The following RAB28 variants were observed in gnomAD, a reference collection of about 807,000 sequenced individuals.
RAB28 encodes the protein RAB28, member RAS oncogene family.
In RAB28, 24 loss-of-function variants were observed where a neutral mutation model predicts 31.7. The observed-to-expected ratio is 0.76, with a 90% CI of 0.55 to 1.06. RAB28 has a LOEUF of 1.06. RAB28 is among the 50% of genes least tolerant of loss of function. RAB28 has a pLI of 0.00. For synonymous variants in RAB28, 100 were observed against 90.4 expected, an observed-to-expected ratio of 1.11 and a Z score of -0.60; for missense variants, 254 against 258.5, an observed-to-expected ratio of 0.98 and a Z score of 0.12.
chr4:13,376,710 C>T lies in RAB28; in HGVS notation c.496-88G>A, dbSNP rs1354931173. ...ACAGAATTTTCTTAAAAATGATAAA[C>T]AGCAATAATTGCAAAAATATGATAT... On this transcript the variant is annotated intron_variant, in intron 5 of 6. Transcript: ENST00000330852. 3.6e-6 allele frequency: 3 copies of T among 829,348 alleles called. No individual in the cohort carries two copies. The African/African-American group carries it at 5.2e-5, about 14-fold the overall frequency. The allele number at this position is 829,348 out of a possible 1,614,324, so 51.4% of individuals were successfully genotyped here.
chr4:13,381,633 G>C (rs1233691844), intron 4 of RAB28, 39 bp from the exon 5 acceptor site: 2 of 1,449,240 alleles, frequency 1.4e-6, no homozygotes, highest in Admixed American at 3.9e-5. Flanking sequence ...TTCAATATTA[G>C]AGTCTATCAA....
intron 4 of RAB28, among the ~76,000 whole-genome samples, chr4:13,393,400 C>T (rs888940327): frequency 6.6e-6 from 1 of 152,220 alleles, no homozygotes; most frequent in South Asian, 2.1e-4. Flanking sequence ...GTTTTGTGTG[C>T]GTTAAGAAGT....
At chr4:13,387,298 A>G (rs1385797210) in intron 4 of RAB28, among the ~76,000 whole-genome samples, 2 of 152,098 alleles carry the variant, frequency 1.3e-5, no homozygotes, top group Non-Finnish European at 2.9e-5. Context: ...TGGAAATCTA[A>G]GCATCATAAT....
At chr4:13,406,521 AT>A (rs1712099885) in intron 4 of RAB28, among the ~76,000 whole-genome samples, 1 of 152,158 alleles carries the variant, frequency 6.6e-6, no homozygotes, top group South Asian at 2.1e-4. Flanking sequence ...ATACCCAGTA[AT>A]GGAACTGCTG....
intron 6 of RAB28, chr4:13,371,711 T>C (rs1433373499): frequency 2.6e-6 from 4 of 1,531,322 alleles, no homozygotes; most frequent in Non-Finnish European, 2.6e-6. Context: ...ATAAACTTCA[T>C]GGTAGGTGGT....
chr4:13,439,249 C>T (rs1714287369), intron 4 of RAB28, among the ~76,000 whole-genome samples: 1 of 152,218 alleles, frequency 6.6e-6, no homozygotes, highest in Admixed American at 6.5e-5. Context: ...CTTTGACGCA[C>T]ACAAATTTTT....
intron 4 of RAB28, among the ~76,000 whole-genome samples, chr4:13,460,270 T>G (rs558170240): frequency 6.6e-6 from 1 of 152,310 alleles, no homozygotes; most frequent in African/African-American, 2.4e-5. Context: ...ACGGATTCAG[T>G]ATCCAGTGAG....
At chr4:13,371,068 T>G in intron 6 of RAB28, 1 of 983,696 alleles carries the variant, frequency 1.0e-6, no homozygotes. Flanking sequence ...AAAAGCATCT[T>G]AATATGAGCT....
At chr4:13,395,249 G>C (rs1411680774) in intron 4 of RAB28, among the ~76,000 whole-genome samples, 1 of 152,042 alleles carries the variant, frequency 6.6e-6, no homozygotes, top group East Asian at 1.9e-4. Flanking sequence ...GTATTAATTA[G>C]TAACAATAAA....
At chr4:13,460,298 G>A (rs192046052) in intron 4 of RAB28, among the ~76,000 whole-genome samples, 7 of 152,264 alleles carry the variant, frequency 4.6e-5, no homozygotes, top group East Asian at 3.9e-4. Flanking sequence ...TTCCTGGTTC[G>A]CAGACAGCCA....
At chr4:13,480,350 T>A (rs1428185460) in intron 1 of RAB28, among the ~76,000 whole-genome samples, 3 of 152,012 alleles carry the variant, frequency 2.0e-5, no homozygotes, top group African/African-American at 7.2e-5. Flanking sequence ...TTAAATGCAC[T>A]ATTTTTATTT....
At chr4:13,379,523 G>C (rs1200009395) in intron 5 of RAB28, among the ~76,000 whole-genome samples, 1 of 152,264 alleles carries the variant, frequency 6.6e-6, no homozygotes, top group South Asian at 2.1e-4. Flanking sequence ...GCTCAGAAGA[G>C]AGAAAAATGA....
chr4:13,398,893 A>G (rs1286244414), intron 4 of RAB28, among the ~76,000 whole-genome samples: 1 of 152,130 alleles, frequency 6.6e-6, no homozygotes, highest in African/African-American at 2.4e-5. Flanking sequence ...CCCTACTGGA[A>G]GATGGGGAGA....
intron 4 of RAB28, among the ~76,000 whole-genome samples, chr4:13,441,334 C>T (rs1714404351): frequency 6.6e-6 from 1 of 152,150 alleles, no homozygotes; most frequent in Admixed American, 6.5e-5. Flanking sequence ...CTCGATTTAG[C>T]CTAATTAATT....
intron 4 of RAB28, among the ~76,000 whole-genome samples, chr4:13,389,552 A>C (rs1411126948): frequency 6.6e-6 from 1 of 152,144 alleles, no homozygotes; most frequent in Admixed American, 6.5e-5. Flanking sequence ...AATTTATACA[A>C]AAGTAAATAG....
At chr4:13,434,774 T>G (rs2069610877) in intron 4 of RAB28, among the ~76,000 whole-genome samples, 1 of 152,052 alleles carries the variant, frequency 6.6e-6, no homozygotes, top group South Asian at 2.1e-4. Context: ...ATCCCAGCAC[T>G]TTGCGAGGCC....
chr4:13,468,158 C>G (rs531509952), intron 3 of RAB28, among the ~76,000 whole-genome samples: 17 of 151,922 alleles, frequency 1.1e-4, no homozygotes, highest in African/African-American at 3.9e-4. Context: ...CTGCAGATCC[C>G]CCTAGAGTTG....
chr4:13,474,179 A>C (rs1436251251), intron 3 of RAB28, 139 bp downstream of exon 3: 5 of 773,066 alleles, frequency 6.5e-6, no homozygotes, highest in Non-Finnish European at 9.3e-6. Flanking sequence ...GAACTAGCAC[A>C]AATATAAAAT....
chr4:13,384,315 G>A (rs2108884758), intron 4 of RAB28, among the ~76,000 whole-genome samples: 1 of 152,296 alleles, frequency 6.6e-6, no homozygotes, highest in East Asian at 1.9e-4. Flanking sequence ...GTGAATGCCT[G>A]CAGGGAGGCA....
Sources: allele counts gnomAD v4.1 joint callset (sites outside exome capture counted in the v4.1 genomes callset), GRCh38; gene constraint gnomAD v4.1.1; transcripts MANE v1.5; gene names NCBI Gene and HGNC (gene_info 2026-07-23, HGNC 2026-07-21).